TENM4: variants seen among roughly 807,000 people sequenced by gnomAD.
TENM4 encodes teneurin transmembrane protein 4.
Under a neutral mutation model 243.3 loss-of-function variants are expected in TENM4, and 82 were observed. The observed-to-expected ratio is 0.34, with a 90% CI of 0.28 to 0.40. The LOEUF (loss-of-function observed/expected upper bound fraction) is 0.40. Ranked by LOEUF, TENM4 falls within the 10% of genes least tolerant of loss-of-function variation. TENM4 has a pLI of 1.00. For synonymous variants in TENM4, 1,412 were observed against 1,456.3 expected (o/e 0.97, Z 0.69); for missense variants, 3,138 against 3,673.3 (o/e 0.85, Z 3.77).
intron 2 of TENM4, among the ~76,000 whole-genome samples, chr11:79,290,072 A>G (rs1402493012): frequency 6.6e-6 from 1 of 152,096 alleles, no homozygotes; most frequent in Non-Finnish European, 1.5e-5. Flanking sequence ...TTGGGATTAC[A>G]GGCATGAGCC....
rs182536736 is a variant in TENM4 at position 78,986,854 on chromosome 11, G to A, written c.493+77884C>T. Reference sequence around the variant, plus strand: ...CTCCCAAAGTGCTGGGATTGCAGGCGTGAGTGACCCCACTCGGCTGGTCAT... The same window carrying A: ...CTCCCAAAGTGCTGGGATTGCAGGCATGAGTGACCCCACTCGGCTGGTCAT... On this transcript the variant is annotated intron_variant, in intron 6 of 33. Coordinates refer to ENST00000278550, the MANE Select transcript of TENM4 (RefSeq NM_001098816.3). 1.2e-4 allele frequency among the ~76,000 whole-genome samples: 19 copies of A among 152,282 alleles called. No homozygotes were observed. In the East Asian group the frequency reaches 3.1e-3, roughly 25 times the overall value.
Position 78,867,403 on chromosome 11 carries a change from A to T in TENM4, c.1085-4271T>A, listed in dbSNP as rs560786293. ...AAGGGGACATTTAATCTGTGATCCAAGGTTTTAAATATAAGTCATGCTAGT... is the reference window on the plus strand; with the variant it reads ...AAGGGGACATTTAATCTGTGATCCATGGTTTTAAATATAAGTCATGCTAGT... On this transcript the variant is annotated intron_variant, in intron 9 of 33. Coordinates refer to ENST00000278550, the MANE Select transcript of TENM4 (RefSeq NM_001098816.3). Among the ~76,000 whole-genome samples, 5 of 152,330 alleles carry T rather than the reference A, an allele frequency of 3.3e-5. No individual in the cohort carries two copies. In the South Asian group the frequency reaches 1.0e-3, roughly 32 times the overall value.
chr11:79,272,492 C>T (rs1195842495), intron 2 of TENM4, among the ~76,000 whole-genome samples: 1 of 152,056 alleles, frequency 6.6e-6, no homozygotes, highest in African/African-American at 2.4e-5. Context: ...TTTTTCCTCC[C>T]AAGTCTCTGA....
intron 4 of TENM4, among the ~76,000 whole-genome samples, chr11:79,077,356 C>G (rs1860558356): frequency 2.0e-5 from 3 of 152,150 alleles, no homozygotes; most frequent in Non-Finnish European, 2.9e-5. Flanking sequence ...TCCCCAGAAA[C>G]AGTGACATCT....
intron 6 of TENM4, among the ~76,000 whole-genome samples, chr11:78,924,955 A>G (rs1392645284): frequency 6.6e-6 from 1 of 152,194 alleles, no homozygotes; most frequent in Non-Finnish European, 1.5e-5. Context: ...CCTCTTTATG[A>G]ATGCTAACTG....
chr11:78,935,303 G>A (rs754097976), intron 6 of TENM4, among the ~76,000 whole-genome samples: 1 of 152,104 alleles, frequency 6.6e-6, no homozygotes, highest in African/African-American at 2.4e-5. Flanking sequence ...GAGCCACCGC[G>A]CCTGGCCGGA....
At chr11:79,330,095 C>T (rs875733) in intron 1 of TENM4, among the ~76,000 whole-genome samples, 10,221 of 152,202 alleles carry the variant, frequency 0.067, 400 homozygotes, top group South Asian at 0.083. Context: ...GCCCTGTTTG[C>T]CTATTTCCAT....
chr11:79,075,572 C>T (rs370211062), intron 4 of TENM4, among the ~76,000 whole-genome samples: 381 of 152,254 alleles, frequency 2.5e-3, no homozygotes, highest in African/African-American at 8.9e-3. Context: ...TAAACCTAGA[C>T]CAAATTAGGC....
intron 4 of TENM4, among the ~76,000 whole-genome samples, chr11:79,133,739 T>G (rs1054330643): frequency 7.9e-5 from 12 of 151,706 alleles, no homozygotes; most frequent in African/African-American, 2.7e-4. Context: ...TAAACAGAAT[T>G]AAAAATCACA....
At chr11:79,203,824 A>G (rs1211891418) in intron 3 of TENM4, among the ~76,000 whole-genome samples, 1 of 152,234 alleles carries the variant, frequency 6.6e-6, no homozygotes, top group Non-Finnish European at 1.5e-5. Context: ...TCTCTCTCCC[A>G]AAATATCTTA....
chr11:79,301,723 T>C (rs1231883100), intron 1 of TENM4, among the ~76,000 whole-genome samples: 2 of 152,198 alleles, frequency 1.3e-5, no homozygotes, highest in Admixed American at 1.3e-4. Flanking sequence ...TGGATTCTCA[T>C]GAATGGTTTA....
intron 18 of TENM4, among the ~76,000 whole-genome samples, chr11:78,762,613 A>G (rs1052541092): frequency 2.6e-5 from 4 of 152,210 alleles, no homozygotes; most frequent in Admixed American, 2.0e-4. Context: ...TATTTAACAA[A>G]TATTTGCTGA....
At chr11:79,067,700 G>A (rs1860298860) in intron 5 of TENM4, among the ~76,000 whole-genome samples, 1 of 152,184 alleles carries the variant, frequency 6.6e-6, no homozygotes, top group African/African-American at 2.4e-5. Context: ...GAGCCAGTCA[G>A]CTCCTCTGAT....
intron 4 of TENM4, among the ~76,000 whole-genome samples, chr11:79,082,461 C>A (rs991226386): frequency 4.6e-5 from 7 of 152,210 alleles, no homozygotes; most frequent in African/African-American, 1.7e-4. Flanking sequence ...AAGCTGTCAG[C>A]TCCATCCTGC....
At position 79,375,851 on chromosome 11, in the gene TENM4, A is replaced by C. The variant is rs145741672; in HGVS notation, c.-321+64658T>G. 2.6e-5 allele frequency among the ~76,000 whole-genome samples: 4 copies of C among 152,286 alleles called. No homozygotes were observed. The East Asian group carries it at 7.7e-4, about 29-fold the overall frequency. ...GTATATGTATGCAAAAACCCAAGGC[A>C]TTCTAGAAGGGGGCGGTGTGGCTGG... On this transcript the variant is annotated intron_variant, in intron 1 of 33. Transcript: ENST00000278550.
At chr11:78,876,245 T>G (rs1859267008) in intron 9 of TENM4, among the ~76,000 whole-genome samples, 1 of 152,208 alleles carries the variant, frequency 6.6e-6, no homozygotes, top group Non-Finnish European at 1.5e-5. Flanking sequence ...TGGTATTTAT[T>G]CTGTATTTGC....
intron 2 of TENM4, among the ~76,000 whole-genome samples, chr11:79,263,354 G>C (rs1022930397): frequency 2.0e-5 from 3 of 152,186 alleles, no homozygotes; most frequent in African/African-American, 7.2e-5. Flanking sequence ...TAAGTCAAGG[G>C]GGAGTCTGAA....
At chr11:79,295,650 C>T (rs2135389093) in intron 2 of TENM4, among the ~76,000 whole-genome samples, 1 of 152,092 alleles carries the variant, frequency 6.6e-6, no homozygotes, top group African/African-American at 2.4e-5. Flanking sequence ...GGAGTGGGGG[C>T]TGCAGAGGGC....
chr11:79,220,059 CT>C (rs1436054100), intron 2 of TENM4, among the ~76,000 whole-genome samples: 1 of 152,248 alleles, frequency 6.6e-6, no homozygotes, highest in East Asian at 1.9e-4. Flanking sequence ...AGAAAATCTT[CT>C]GGATACCCAG....
Sources: allele counts gnomAD v4.1 joint callset (sites outside exome capture counted in the v4.1 genomes callset), GRCh38; gene constraint gnomAD v4.1.1; transcripts MANE v1.5; gene names NCBI Gene and HGNC (gene_info 2026-07-23, HGNC 2026-07-21).